The following SH2D4B variants were observed in gnomAD, a reference collection of about 807,000 sequenced individuals.
SH2D4B encodes SH2 domain containing 4B.
Under a neutral mutation model 61.5 loss-of-function variants are expected in SH2D4B, and 45 were observed. The ratio of observed to expected loss-of-function variants is 0.73; its 90% CI spans 0.58 to 0.94. SH2D4B has a LOEUF of 0.94. SH2D4B is among the 40% of genes least tolerant of loss of function. SH2D4B has a pLI of 0.00. For synonymous variants in SH2D4B, 224 were observed against 220.4 expected (o/e 1.02, Z -0.14); for missense variants, 572 against 574.2 (o/e 1.00, Z 0.04).
At position 80,609,895 on chromosome 10, in the gene SH2D4B, C is replaced by A. The variant is rs562230808; in HGVS notation, c.988+344C>A. 3.3e-5 allele frequency among the ~76,000 whole-genome samples: 5 copies of A among 152,306 alleles called. No homozygotes were observed. The East Asian group carries it at 9.7e-4, about 29-fold the overall frequency. Reference sequence around the variant, plus strand: ...CTGCTGGTGGCTAGGACCCCCATCCCTGGATCCTGGCCACAGCCTGTCACA... The same window carrying A: ...CTGCTGGTGGCTAGGACCCCCATCCATGGATCCTGGCCACAGCCTGTCACA... On this transcript the variant is annotated intron_variant, in intron 6 of 7. Coordinates refer to ENST00000646907, the MANE Select transcript of SH2D4B (RefSeq NM_001388272.1).
At chr10:80,628,272 T>C (rs547433519) in intron 6 of SH2D4B, among the ~76,000 whole-genome samples, 1 of 152,034 alleles carries the variant, frequency 6.6e-6, no homozygotes, top group Non-Finnish European at 1.5e-5. Flanking sequence ...GGAGGTAATT[T>C]GAGTAATGGA....
At chr10:80,553,083 T>C (rs1301986967) in intron 1 of SH2D4B, among the ~76,000 whole-genome samples, 2 of 152,142 alleles carry the variant, frequency 1.3e-5, no homozygotes, top group Non-Finnish European at 2.9e-5. Flanking sequence ...ACCTGGCTAA[T>C]TTTTTATATT....
rs375912836 is a variant in SH2D4B at position 80,570,008 on chromosome 10, C to G, written c.185-146C>G. 1.1e-3 allele frequency: 1,042 copies of G among 989,414 alleles called. 4 individuals carry two copies. In the Middle Eastern group the frequency reaches 0.011, roughly 11 times the overall value. The allele number at this position is 989,414 out of a possible 1,614,324, so 61.3% of individuals were successfully genotyped here. ...AGTGGGAGATGGTTGTGGACCTGCC[C>G]CCAGGCCAGTGTCTCTCTGGCATTC... On this transcript the variant is annotated intron_variant, in intron 1 of 7. Transcript: ENST00000646907.
At chr10:80,603,936 G>C (rs943473267) in intron 5 of SH2D4B, 141 bp downstream of exon 5, 2 of 707,864 alleles carry the variant, frequency 2.8e-6, no homozygotes, top group African/African-American at 1.8e-5. Flanking sequence ...TTCAGCCCTA[G>C]TCTAGGGTAG....
Position 80,538,438 on chromosome 10 carries a change from T to G in SH2D4B, c.107T>G (p.Leu36Arg). The G allele has an allele frequency of 6.7e-7, 1 of 1,500,542 alleles. No individual in the cohort carries two copies. Among genetic ancestry groups the G allele is most frequent in the Non-Finnish European group, 8.9e-7 (1 of 1,123,290 alleles). The allele number at this position is 1,500,542 out of a possible 1,614,324, so 93.0% of individuals were successfully genotyped here. ...TTCTACAAAATGCGGGAGGAGCAGCTGAGGCGCTGGAAGGAGCGGGAGACT... is the reference window on the plus strand; with the variant it reads ...TTCTACAAAATGCGGGAGGAGCAGCGGAGGCGCTGGAAGGAGCGGGAGACT... ...ILFYKMREEQLRRWKERETWE... is the reference protein window; with the variant it reads ...ILFYKMREEQRRRWKERETWE... The change falls in exon 1 of 8, where the codon CTG (leucine) becomes CGG (arginine). Residue 36 changes from leucine (L) to arginine (R), a missense_variant. Transcript: ENST00000646907. This position sits in a 1 kb window ranked among gnomAD's most constrained non-coding sequence, Gnocchi z 4.8.
chr10:80,603,625 G>A lies in SH2D4B; in HGVS notation c.690G>A (p.Gln230=), dbSNP rs148470229. The A allele has an allele frequency of 6.6e-4, 1,049 of 1,588,602 alleles. 6 individuals are homozygous for A. The African/African-American group carries it at 0.013, about 19-fold the overall frequency. ...ATGAGGAGAGGAGCCGCCGAGCCCAGCGCGCCCGGGACGAGTACCGACACC... is the reference window on the plus strand; with the variant it reads ...ATGAGGAGAGGAGCCGCCGAGCCCAACGCGCCCGGGACGAGTACCGACACC... ...AADEERSRRA[Q]RARDEYRHHS... is the part of the protein sequence containing the mutation. The change falls in exon 5 of 8, where the codon CAG becomes CAA. Residue 230 remains glutamine, a synonymous_variant. Coordinates refer to ENST00000646907, the MANE Select transcript of SH2D4B (RefSeq NM_001388272.1).
chr10:80,551,638 G>T (rs974140706), intron 1 of SH2D4B, among the ~76,000 whole-genome samples: 1 of 152,138 alleles, frequency 6.6e-6, no homozygotes, highest in Admixed American at 6.6e-5. Context: ...TCAAATTAAA[G>T]CAATCAGATT....
intron 7 of SH2D4B, among the ~76,000 whole-genome samples, chr10:80,640,453 A>G (rs542855783): frequency 6.6e-6 from 1 of 152,310 alleles, no homozygotes; most frequent in Admixed American, 6.5e-5. Flanking sequence ...GTCTTCTCAC[A>G]TAATCCCATA....
chr10:80,569,455 C>T (rs1365842098), intron 1 of SH2D4B, among the ~76,000 whole-genome samples: 3 of 148,930 alleles, frequency 2.0e-5, no homozygotes, highest in East Asian at 2.0e-4. Flanking sequence ...GGAGACCCAG[C>T]GAACCGAGAA....
intron 1 of SH2D4B, 93 bp from the exon 2 acceptor site, chr10:80,570,061 G>A (rs1842019935): frequency 1.4e-6 from 2 of 1,442,678 alleles, no homozygotes; most frequent in Admixed American, 1.7e-5. Flanking sequence ...GTTCCATAGA[G>A]TGATGTGATG....
intron 1 of SH2D4B, among the ~76,000 whole-genome samples, chr10:80,569,417 G>A (rs939709909): frequency 3.3e-5 from 5 of 152,040 alleles, no homozygotes; most frequent in East Asian, 1.9e-4. Flanking sequence ...GAGACAAGGC[G>A]TTGGGGCAAG....
chr10:80,552,092 C>T (rs1357624516), intron 1 of SH2D4B, among the ~76,000 whole-genome samples: 1 of 152,192 alleles, frequency 6.6e-6, no homozygotes, highest in East Asian at 1.9e-4. Context: ...GCCCTAATTA[C>T]CTTCCAAAGG....
intron 4 of SH2D4B, among the ~76,000 whole-genome samples, chr10:80,602,351 T>C (rs576767335): frequency 6.6e-6 from 1 of 152,270 alleles, no homozygotes; most frequent in Non-Finnish European, 1.5e-5. Flanking sequence ...TACTCTCAGC[T>C]ACTCAGGAGG....
intron 6 of SH2D4B, among the ~76,000 whole-genome samples, chr10:80,613,039 C>T (rs4934371): frequency 0.51 from 77,649 of 152,026 alleles, 20,830 homozygotes; most frequent in East Asian, 0.74. Flanking sequence ...CAGTGTGTTT[C>T]CTGATGTTTC....
intron 3 of SH2D4B, among the ~76,000 whole-genome samples, chr10:80,582,669 ACAC>A (rs2132125745): frequency 6.6e-6 from 1 of 152,306 alleles, no homozygotes; most frequent in South Asian, 2.1e-4. Context: ...TACCTGGACA[ACAC>A]CACCTGCCCT....
chr10:80,645,091 G>A lies in SH2D4B; in HGVS notation c.*1006G>A, dbSNP rs1330881514. On this transcript the variant is annotated 3_prime_UTR_variant, in exon 8 of 8. Coordinates refer to ENST00000646907, the MANE Select transcript of SH2D4B (RefSeq NM_001388272.1). ...AGTATATGATGAAGAGAAGATTACA[G>A]TCTTTACAGTCAAGAAGACTTGGGT... is the stretch of plus-strand genomic sequence containing the variant. 6.6e-6 allele frequency: 1 copy of A among 152,216 alleles called. No homozygotes were observed. The highest frequency in any genetic ancestry group is 1.5e-5 in the Non-Finnish European group (1 of 68,038). The allele number at this position is 152,216 out of a possible 1,614,324, so 9.4% of individuals were successfully genotyped here. A position where few individuals can be genotyped will look rare whatever the true frequency, so the allele number is the denominator to read the frequency against.
Position 80,588,666 on chromosome 10 carries a change from C to G in SH2D4B, c.532C>G (p.Gln178Glu). ...AGAGGAGAGGAAGCGAGGAGAAGAG[C>G]AGATTCGCCTCCAGGAAGAGCAGAG... is the stretch of plus-strand genomic sequence containing the variant. ...EEEERKRGEEQIRLQEEQRAK... is the reference protein window; with the variant it reads ...EEEERKRGEEEIRLQEEQRAK... The change falls in exon 4 of 8, where the codon CAG (glutamine) becomes GAG (glutamate). Residue 178 changes from glutamine to glutamate, a missense_variant. Physicochemically the swap from Gln to Glu is conservative, Grantham distance 29 (BLOSUM62 2). Transcript: ENST00000646907. 6.2e-7 allele frequency: 1 copy of G among 1,614,022 alleles called. No homozygotes were observed. Among genetic ancestry groups the G allele is most frequent in the Non-Finnish European group, 8.5e-7 (1 of 1,180,026 alleles).
At chr10:80,590,128 A>C (rs1341289300) in intron 4 of SH2D4B, among the ~76,000 whole-genome samples, 2 of 152,144 alleles carry the variant, frequency 1.3e-5, no homozygotes, top group Non-Finnish European at 2.9e-5. Context: ...AGTGGGGGAA[A>C]ACATGGGCAA....
chr10:80,562,951 G>T (rs1841921416), intron 1 of SH2D4B, among the ~76,000 whole-genome samples: 1 of 137,808 alleles, frequency 7.3e-6, no homozygotes, highest in African/African-American at 2.8e-5. Flanking sequence ...GCCCAGGCTG[G>T]AGTGCAGTGG....
Sources: allele counts gnomAD v4.1 joint callset (sites outside exome capture counted in the v4.1 genomes callset), GRCh38; gene constraint gnomAD v4.1.1; non-coding constraint Gnocchi (gnomAD v3.1); transcripts MANE v1.5; gene names NCBI Gene and HGNC (gene_info 2026-07-23, HGNC 2026-07-21).